The following SHISA6 variants were observed in gnomAD, a reference collection of about 807,000 sequenced individuals.
SHISA6 encodes the protein shisa family member 6, also known as protein shisa-6.
Under a neutral mutation model 47.9 loss-of-function variants are expected in SHISA6, and 22 were observed. The ratio of observed to expected loss-of-function variants is 0.46; its 90% CI spans 0.33 to 0.66. The LOEUF (loss-of-function observed/expected upper bound fraction) is 0.66, where lower values mean the gene tolerates loss of function less well. Ranked by LOEUF, SHISA6 falls within the 30% of genes least tolerant of loss-of-function variation. The pLI is 0.02. For missense variants in SHISA6, 680 were observed against 764.6 expected, an observed-to-expected ratio of 0.89 and a Z score of 1.30; for synonymous variants, 388 against 337.8, an observed-to-expected ratio of 1.15 and a Z score of -1.63.
chr17:11,336,681 C>T (rs1355451130), intron 2 of SHISA6, among the ~76,000 whole-genome samples: 2 of 152,220 alleles, frequency 1.3e-5, no homozygotes, highest in Non-Finnish European at 2.9e-5. Flanking sequence ...AACTGAGCCA[C>T]CAGCAAAGCC....
At chr17:11,379,289 A>G in intron 2 of SHISA6, 125 bp from the exon 3 acceptor site, 1 of 488,538 alleles carries the variant, frequency 2.0e-6, no homozygotes, top group African/African-American at 2.1e-5. Flanking sequence ...GGCTGCCTCC[A>G]CCTTCTGACT....
chr17:11,507,981 C>A (rs535069611), intron 3 of SHISA6, among the ~76,000 whole-genome samples: 1 of 152,300 alleles, frequency 6.6e-6, no homozygotes, highest in African/African-American at 2.4e-5. Flanking sequence ...GACTCCAGTG[C>A]TAACCACTAG....
At chr17:11,369,968 C>T (rs966835061) in intron 2 of SHISA6, among the ~76,000 whole-genome samples, 1 of 152,172 alleles carries the variant, frequency 6.6e-6, no homozygotes, top group Non-Finnish European at 1.5e-5. Flanking sequence ...TGACTTTAGT[C>T]CCCACTTAAC....
chr17:11,434,012 G>A (rs1476966433), intron 3 of SHISA6, among the ~76,000 whole-genome samples: 3 of 151,820 alleles, frequency 2.0e-5, no homozygotes, highest in Non-Finnish European at 4.4e-5. Context: ...AGAACCACAT[G>A]CGGTATATCC....
chr17:11,311,684 T>G (rs1910346458), intron 2 of SHISA6, among the ~76,000 whole-genome samples: 1 of 152,134 alleles, frequency 6.6e-6, no homozygotes, highest in African/African-American at 2.4e-5. Flanking sequence ...ATATAACTAC[T>G]CTGATGAGTT....
chr17:11,347,909 T>C (rs1302408647), intron 2 of SHISA6, among the ~76,000 whole-genome samples: 1 of 152,228 alleles, frequency 6.6e-6, no homozygotes, highest in Non-Finnish European at 1.5e-5. Flanking sequence ...TTTCATGCGC[T>C]GACTTTCTGT....
At chr17:11,352,880 G>A (rs1911936022) in intron 2 of SHISA6, among the ~76,000 whole-genome samples, 1 of 152,172 alleles carries the variant, frequency 6.6e-6, no homozygotes, top group Non-Finnish European at 1.5e-5. Context: ...ACTATTTGGG[G>A]GAGAAACAAA....
At chr17:11,293,486 G>A (rs529957737) in intron 2 of SHISA6, among the ~76,000 whole-genome samples, 62 of 152,306 alleles carry the variant, frequency 4.1e-4, no homozygotes, top group African/African-American at 1.3e-3. Context: ...AAGTAACCTA[G>A]TATTTCCCTG....
At chr17:11,356,500 G>T in intron 2 of SHISA6, among the ~76,000 whole-genome samples, 1 of 152,204 alleles carries the variant, frequency 6.6e-6, no homozygotes, top group East Asian at 1.9e-4. Context: ...CACCCAAGGA[G>T]ATGAGGGTGT....
At chr17:11,268,344 G>C (rs1908507141) in intron 2 of SHISA6, among the ~76,000 whole-genome samples, 1 of 152,106 alleles carries the variant, frequency 6.6e-6, no homozygotes, top group Non-Finnish European at 1.5e-5. Context: ...GGAGCACTCT[G>C]CCACAGTCCT....
In SHISA6 at chr17:11,241,481, T is replaced by C; in HGVS notation, c.59T>C (p.Leu20Pro). 4 of 1,180,278 alleles carry C rather than the reference T, an allele frequency of 3.4e-6. No individual in the cohort carries two copies. The highest frequency in any genetic ancestry group is 1.6e-5 in the African/African-American group (1 of 60,612). 73.1% of individuals were successfully genotyped at this position (1,180,278 alleles called of 1,614,324 possible). The change falls in exon 1 of 6, where the codon CTG becomes CCG. Residue 20 changes from leucine to proline, a missense_variant. By Grantham distance (98) the Leu-to-Pro change is moderately conservative. Transcript: ENST00000441885. The surrounding 1 kb of genome is among the most constrained non-coding windows in gnomAD (Gnocchi z 5.5). The part of the protein sequence containing the change: ...LLLSLESLDL[L>P]PSVHGARGRA... Reference sequence around the variant, plus strand: ...CTCTCGCTGGAGTCCCTGGACCTGCTGCCCAGCGTCCACGGAGCCCGCGGC... The same window carrying C: ...CTCTCGCTGGAGTCCCTGGACCTGCCGCCCAGCGTCCACGGAGCCCGCGGC...
intron 3 of SHISA6, among the ~76,000 whole-genome samples, chr17:11,480,360 T>C (rs766036547): frequency 3.3e-5 from 5 of 151,794 alleles, no homozygotes; most frequent in Non-Finnish European, 7.4e-5. Context: ...TATTCTTAAA[T>C]ACTTGTTGAG....
intron 3 of SHISA6, among the ~76,000 whole-genome samples, chr17:11,481,362 G>GTATATATATATATA (rs1481491401): frequency 3.0e-4 from 34 of 114,588 alleles, no homozygotes; most frequent in African/African-American, 9.2e-4. Context: ...GTGTGTGTGT[G>GTATATATATATATA]TGTGTATATA....
At chr17:11,451,076 C>T (rs144831791) in intron 3 of SHISA6, among the ~76,000 whole-genome samples, 1 of 151,224 alleles carries the variant, frequency 6.6e-6, no homozygotes, top group Non-Finnish European at 1.5e-5. Context: ...AGAGGTCAGA[C>T]TGTGGGGCTT....
intron 2 of SHISA6, chr17:11,288,243 A>G (rs984570118): frequency 1.3e-5 from 2 of 152,234 alleles, no homozygotes; most frequent in Non-Finnish European, 2.9e-5. Flanking sequence ...TTATTGCTGC[A>G]ATAGGACCTT....
At chr17:11,299,600 A>G (rs982636812) in intron 2 of SHISA6, among the ~76,000 whole-genome samples, 1 of 152,140 alleles carries the variant, frequency 6.6e-6, no homozygotes, top group African/African-American at 2.4e-5. Context: ...CTAGGGGAGA[A>G]TCGATTTCCT....
At chr17:11,310,883 C>T (rs998190910) in intron 2 of SHISA6, among the ~76,000 whole-genome samples, 4 of 151,760 alleles carry the variant, frequency 2.6e-5, no homozygotes, top group Admixed American at 6.6e-5. Context: ...CCTAGGTGGG[C>T]GCATCACAAG....
At chr17:11,471,976 G>A (rs1182729162) in intron 3 of SHISA6, among the ~76,000 whole-genome samples, 1 of 151,996 alleles carries the variant, frequency 6.6e-6, no homozygotes, top group Non-Finnish European at 1.5e-5. Context: ...TTACATGAGG[G>A]TTCACTTTTG....
At chr17:11,308,467 C>T (rs4792125) in intron 2 of SHISA6, among the ~76,000 whole-genome samples, 2 of 151,978 alleles carry the variant, frequency 1.3e-5, no homozygotes, top group African/African-American at 4.8e-5. Flanking sequence ...AGGATACCAA[C>T]GGAGCTTTCT....
Sources: allele counts gnomAD v4.1 joint callset (sites outside exome capture counted in the v4.1 genomes callset), GRCh38; gene constraint gnomAD v4.1.1; non-coding constraint Gnocchi (gnomAD v3.1); transcripts MANE v1.5; gene names NCBI Gene and HGNC (gene_info 2026-07-23, HGNC 2026-07-21).